The following VAT1L variants were observed in gnomAD, a reference collection of about 807,000 sequenced individuals.
VAT1L encodes the protein vesicle amine transport 1 like.
In VAT1L, 34 loss-of-function variants were observed where a neutral mutation model predicts 44.1. The ratio of observed to expected loss-of-function variants is 0.77; its 90% CI spans 0.59 to 1.03. VAT1L has a LOEUF of 1.03. VAT1L is among the 50% of genes least tolerant of loss of function. The probability of loss-of-function intolerance (pLI) is 0.00; values close to 1 mark genes in which losing one functional copy is unlikely to be tolerated. For missense variants in VAT1L, 615 were observed against 538.8 expected, an observed-to-expected ratio of 1.14 and a Z score of -1.40; for synonymous variants, 253 against 202.2, an observed-to-expected ratio of 1.25 and a Z score of -2.13.
intron 1 of VAT1L, among the ~76,000 whole-genome samples, chr16:77,799,429 A>G (rs2016000942): frequency 6.6e-6 from 1 of 151,646 alleles, no homozygotes; most frequent in Non-Finnish European, 1.5e-5. Context: ...GATTGACCAC[A>G]CCTGTGCCTC....
chr16:77,889,552 C>G (rs1366699754), intron 7 of VAT1L, among the ~76,000 whole-genome samples: 3 of 152,152 alleles, frequency 2.0e-5, no homozygotes, highest in Non-Finnish European at 2.9e-5. Flanking sequence ...TTAATACTTG[C>G]ATTTGTCAAC....
At chr16:77,815,250 C>G (rs1458088656) in intron 1 of VAT1L, among the ~76,000 whole-genome samples, 1 of 152,168 alleles carries the variant, frequency 6.6e-6, no homozygotes, top group Non-Finnish European at 1.5e-5. Context: ...TCCATTACTC[C>G]AAATTCTTTG....
intron 6 of VAT1L, among the ~76,000 whole-genome samples, chr16:77,881,266 G>T (rs1328277403): frequency 6.6e-6 from 1 of 152,208 alleles, no homozygotes; most frequent in Non-Finnish European, 1.5e-5. Context: ...TCATTTGACA[G>T]GCATTTTCTG....
intron 3 of VAT1L, among the ~76,000 whole-genome samples, chr16:77,827,739 C>T (rs1355110054): frequency 6.6e-6 from 1 of 152,046 alleles, no homozygotes; most frequent in Non-Finnish European, 1.5e-5. Flanking sequence ...CTAGGGGTAA[C>T]CATAACTAAC....
chr16:77,924,057 T>C (rs1055219557), intron 7 of VAT1L, among the ~76,000 whole-genome samples: 3 of 151,816 alleles, frequency 2.0e-5, no homozygotes, highest in Non-Finnish European at 2.9e-5. Flanking sequence ...TGTGAGACAC[T>C]GAGCAACTGA....
intron 7 of VAT1L, among the ~76,000 whole-genome samples, chr16:77,887,971 C>T (rs926286475): frequency 6.6e-6 from 1 of 152,194 alleles, no homozygotes; most frequent in Non-Finnish European, 1.5e-5. Flanking sequence ...TCCACCCAAG[C>T]TTCAGCAGCA....
intron 2 of VAT1L, 26 bp downstream of exon 2, chr16:77,817,076 G>C: frequency 6.2e-7 from 1 of 1,600,312 alleles, no homozygotes; most frequent in Non-Finnish European, 8.5e-7. Flanking sequence ...CAATTGAAGA[G>C]TAATATTCAT....
chr16:77,902,732 T>TC (rs60274726), intron 7 of VAT1L, among the ~76,000 whole-genome samples: 1 of 106,962 alleles, frequency 9.3e-6, no homozygotes, highest in Admixed American at 1.0e-4. Context: ...GATGGGGGGG[T>TC]GGGGGGGGTG....
intron 3 of VAT1L, 92 bp from the exon 4 acceptor site, chr16:77,862,656 T>G: frequency 3.2e-6 from 3 of 941,442 alleles, no homozygotes; most frequent in Non-Finnish European, 4.5e-6. Flanking sequence ...AAGTCAATAG[T>G]GCCGATGGAG....
chr16:77,814,041 G>C (rs980995559), intron 1 of VAT1L, among the ~76,000 whole-genome samples: 3 of 152,180 alleles, frequency 2.0e-5, no homozygotes, highest in Non-Finnish European at 4.4e-5. Context: ...GAAAAGATGT[G>C]ATGGCAAGCA....
At chr16:77,832,231 T>G (rs2016587960) in intron 3 of VAT1L, among the ~76,000 whole-genome samples, 1 of 152,130 alleles carries the variant, frequency 6.6e-6, no homozygotes, top group Non-Finnish European at 1.5e-5. Context: ...TATAGTCTTT[T>G]CAACCTCTCG....
At chr16:77,927,387 A>G (rs1422277705) in intron 7 of VAT1L, among the ~76,000 whole-genome samples, 1 of 151,700 alleles carries the variant, frequency 6.6e-6, no homozygotes, top group Non-Finnish European at 1.5e-5. Flanking sequence ...AGTGAGTACT[A>G]CTGTTGTCCC....
chr16:77,946,101 G>C (rs893977827), intron 7 of VAT1L, among the ~76,000 whole-genome samples: 2 of 151,788 alleles, frequency 1.3e-5, no homozygotes, highest in Admixed American at 1.3e-4. Flanking sequence ...CACCCGGCCA[G>C]GGCTTGCCGT....
At chr16:77,934,890 T>C (rs568520377) in intron 7 of VAT1L, among the ~76,000 whole-genome samples, 31 of 152,202 alleles carry the variant, frequency 2.0e-4, no homozygotes, top group Non-Finnish European at 3.4e-4. Flanking sequence ...GGGCCCGGTC[T>C]GGTGGATGAA....
At chr16:77,924,016 A>G (rs914186948) in intron 7 of VAT1L, among the ~76,000 whole-genome samples, 2 of 152,036 alleles carry the variant, frequency 1.3e-5, no homozygotes, top group African/African-American at 4.8e-5. Flanking sequence ...TAGACACACA[A>G]GAAGTTGCAT....
chr16:77,854,884 G>A (rs900512180), intron 3 of VAT1L, among the ~76,000 whole-genome samples: 1 of 152,262 alleles, frequency 6.6e-6, no homozygotes, highest in Non-Finnish European at 1.5e-5. Context: ...GTAACAGAAA[G>A]TTCCATTTTC....
intron 7 of VAT1L, among the ~76,000 whole-genome samples, chr16:77,944,457 A>G (rs2017934222): frequency 6.6e-6 from 1 of 152,182 alleles, no homozygotes; most frequent in Admixed American, 6.5e-5. Flanking sequence ...TAGATTTTTA[A>G]CAGTCTTATT....
intron 7 of VAT1L, among the ~76,000 whole-genome samples, chr16:77,917,074 ATTT>A (rs1232369245): frequency 3.9e-5 from 6 of 152,174 alleles, no homozygotes; most frequent in Non-Finnish European, 8.8e-5. Flanking sequence ...TGTTGAGTTA[ATTT>A]GTCCCTTGGC....
intron 4 of VAT1L, among the ~76,000 whole-genome samples, chr16:77,864,162 G>T (rs548041171): frequency 6.6e-6 from 1 of 152,196 alleles, no homozygotes; most frequent in Non-Finnish European, 1.5e-5. Flanking sequence ...TGGGCCCCAG[G>T]CTTGTTCTCA....
Sources: allele counts gnomAD v4.1 joint callset (sites outside exome capture counted in the v4.1 genomes callset), GRCh38; gene constraint gnomAD v4.1.1; transcripts MANE v1.5; gene names NCBI Gene and HGNC (gene_info 2026-07-23, HGNC 2026-07-21).